The following P2RY14 variants were observed in gnomAD, a reference collection of about 807,000 sequenced individuals.
P2RY14 encodes the protein purinergic receptor P2Y14, also known as P2Y purinoceptor 14.
P2RY14 carries 2 observed loss-of-function variants against 0.9 expected under a neutral mutation model. The ratio of observed to expected loss-of-function variants is 2.16; its 90% CI spans 0.88 to 6.79. The LOEUF is 6.79. P2RY14 is among the 30% of genes most tolerant of loss of function. P2RY14 has a pLI of 0.05. For synonymous variants in P2RY14, 158 were observed against 147.2 expected (o/e 1.07, Z -0.53); for missense variants, 378 against 400.1 (o/e 0.94, Z 0.47).
At chr3:151,225,622 C>T (rs950184821) in intron 1 of P2RY14, among the ~76,000 whole-genome samples, 2 of 152,226 alleles carry the variant, frequency 1.3e-5, no homozygotes, top group Admixed American at 1.3e-4. Flanking sequence ...AGCTTTCTGT[C>T]AGATCCTATC....
intron 1 of P2RY14, among the ~76,000 whole-genome samples, chr3:151,225,741 C>T (rs1312186738): frequency 6.6e-6 from 1 of 152,100 alleles, no homozygotes; most frequent in African/African-American, 2.4e-5. Context: ...AGAAGGAACT[C>T]TCCCACCCCC....
chr3:151,277,825 A>C (rs1415657308), intron 1 of P2RY14, among the ~76,000 whole-genome samples: 5 of 152,234 alleles, frequency 3.3e-5, no homozygotes, highest in Non-Finnish European at 4.4e-5. Context: ...AAAAACTTTT[A>C]CCTATATAAG....
At chr3:151,272,596 G>A (rs1278257633) in intron 1 of P2RY14, among the ~76,000 whole-genome samples, 3 of 152,080 alleles carry the variant, frequency 2.0e-5, no homozygotes, top group African/African-American at 4.8e-5. Flanking sequence ...GTGCATACTC[G>A]GGAAAGGTTG....
intron 1 of P2RY14, among the ~76,000 whole-genome samples, chr3:151,233,838 G>A (rs761511953): frequency 2.0e-5 from 3 of 152,216 alleles, no homozygotes; most frequent in Non-Finnish European, 2.9e-5. Context: ...TCTCCGCCTT[G>A]TGGTAACTCT....
intron 1 of P2RY14, among the ~76,000 whole-genome samples, chr3:151,253,075 A>G (rs1008945676): frequency 6.6e-6 from 1 of 152,198 alleles, no homozygotes; most frequent in African/African-American, 2.4e-5. Context: ...TTTGAGTTCA[A>G]CACTCTTGGG....
chr3:151,227,169 C>G (rs1409246862), intron 1 of P2RY14, among the ~76,000 whole-genome samples: 1 of 152,210 alleles, frequency 6.6e-6, no homozygotes, highest in African/African-American at 2.4e-5. Flanking sequence ...TTAAAATTGG[C>G]TGAATGGTGT....
At chr3:151,247,962 C>CTTCTTT (rs1314747790) in intron 1 of P2RY14, among the ~76,000 whole-genome samples, 1 of 75,902 alleles carries the variant, frequency 1.3e-5, no homozygotes, top group African/African-American at 5.3e-5. Flanking sequence ...TCTTCTTCTT[C>CTTCTTT]TTTTTTTTTT....
chr3:151,219,599 G>A lies in P2RY14; in HGVS notation c.-89C>T, dbSNP rs912549386. 2.0e-5 allele frequency: 3 copies of A among 152,136 alleles called. No individual in the cohort carries two copies. Among genetic ancestry groups the A allele is most frequent in the African/African-American group, 7.2e-5 (3 of 41,426 alleles). The allele number at this position is 152,136 out of a possible 1,614,324, so 9.4% of individuals were successfully genotyped here. A position where few individuals can be genotyped will look rare whatever the true frequency, so the allele number is the denominator to read the frequency against. ...AGTGAAGGTGTTTTGCCCAGTGAGC[G>A]TTTGTCGTCTTGAAGTGGCCCAAGT... On this transcript the variant is annotated 5_prime_UTR_variant, in exon 2 of 3. The change creates a new upstream start codon in the 5' untranslated region. Transcript: ENST00000309170.
At chr3:151,252,895 A>C (rs181328711) in intron 1 of P2RY14, among the ~76,000 whole-genome samples, 97 of 152,306 alleles carry the variant, frequency 6.4e-4, no homozygotes, top group Middle Eastern at 3.4e-3. Flanking sequence ...TTATTGATTT[A>C]AAGCAATGAC....
chr3:151,256,163 G>T (rs1737777656), intron 1 of P2RY14, among the ~76,000 whole-genome samples: 1 of 152,172 alleles, frequency 6.6e-6, no homozygotes, highest in Non-Finnish European at 1.5e-5. Flanking sequence ...AGCCACTGTG[G>T]TTATAGGAAG....
At position 151,277,780 on chromosome 3, in the gene P2RY14, T is replaced by C. The variant is rs75130190; in HGVS notation, c.-133+507A>G. Among the ~76,000 whole-genome samples the C allele has an allele frequency of 2.4e-4, 37 of 152,340 alleles. No homozygotes were observed. The East Asian group carries it at 7.1e-3, about 29-fold the overall frequency. ...AAAGGCATTTTATTTTAGTAGGTGT[T>C]AATGGGGTTAACTTATCCTAATAAT... On this transcript the variant is annotated intron_variant, in intron 1 of 2. Coordinates refer to ENST00000309170, the MANE Select transcript of P2RY14 (RefSeq NM_014879.4).
chr3:151,231,508 T>C (rs1731664375), intron 1 of P2RY14, among the ~76,000 whole-genome samples: 1 of 152,178 alleles, frequency 6.6e-6, no homozygotes, highest in Admixed American at 6.5e-5. Flanking sequence ...TGTAATAAAC[T>C]GTATCAAAAA....
At chr3:151,215,771 A>G (rs993546149) in intron 2 of P2RY14, among the ~76,000 whole-genome samples, 2 of 152,176 alleles carry the variant, frequency 1.3e-5, no homozygotes, top group African/African-American at 2.4e-5. Flanking sequence ...GAATGCCCTA[A>G]GTCTGTAATG....
intron 1 of P2RY14, among the ~76,000 whole-genome samples, chr3:151,242,634 G>A (rs1476139395): frequency 6.6e-6 from 1 of 152,174 alleles, no homozygotes; most frequent in African/African-American, 2.4e-5. Context: ...CATCATCAAA[G>A]ACCAAAAGTA....
intron 1 of P2RY14, among the ~76,000 whole-genome samples, chr3:151,227,105 C>T (rs552953606): frequency 1.1e-4 from 16 of 152,312 alleles, no homozygotes; most frequent in African/African-American, 2.9e-4. Context: ...TGTGACCCAT[C>T]GACTTTACCT....
In P2RY14 at chr3:151,214,046, C is replaced by G; in HGVS notation, c.271G>C (p.Val91Leu). The change falls in exon 3 of 3, where the codon GTG becomes CTG. Residue 91 changes from valine (V) to leucine (L), a missense_variant. Val to Leu is a conservative substitution (Grantham distance 32, BLOSUM62 1). Coordinates refer to ENST00000309170, the MANE Select transcript of P2RY14 (RefSeq NM_014879.4). ...ACGGCAGAGACCCTGCACACAAACA[C>G]GTTCAGCTGCCAGGGACCAAGGCCT... The part of the protein sequence containing the change: ...DSGLGPWQLN[V>L]FVCRVSAVLF... 6.2e-7 allele frequency: 1 copy of G among 1,614,138 alleles called. No individual in the cohort carries two copies. The highest frequency in any genetic ancestry group is 8.5e-7 in the Non-Finnish European group (1 of 1,180,002).
At chr3:151,270,893 C>T (rs1487954233) in intron 1 of P2RY14, among the ~76,000 whole-genome samples, 1 of 151,878 alleles carries the variant, frequency 6.6e-6, no homozygotes, top group African/African-American at 2.4e-5. Flanking sequence ...ACTTTTGTAC[C>T]TGTCTATTTT....
chr3:151,240,082 C>T (rs1187342992), intron 1 of P2RY14, among the ~76,000 whole-genome samples: 3 of 151,110 alleles, frequency 2.0e-5, no homozygotes, highest in African/African-American at 4.9e-5. Context: ...ACCTGTGGGT[C>T]TCACAGCCCC....
intron 1 of P2RY14, among the ~76,000 whole-genome samples, chr3:151,227,765 A>T (rs995365287): frequency 2.2e-4 from 33 of 152,310 alleles, no homozygotes; most frequent in African/African-American, 7.2e-4. Context: ...ATGGACCTGT[A>T]ATTTTTTGCC....
Sources: allele counts gnomAD v4.1 joint callset (sites outside exome capture counted in the v4.1 genomes callset), GRCh38; gene constraint gnomAD v4.1.1; transcripts MANE v1.5; gene names NCBI Gene and HGNC (gene_info 2026-07-23, HGNC 2026-07-21).